The following CDH13 variants were observed in gnomAD, a reference collection of about 807,000 sequenced individuals.
CDH13 encodes the protein cadherin-13.
A neutral mutation model predicts 63.8 loss-of-function variants in CDH13; 24 were observed. The ratio of observed to expected loss-of-function variants is 0.38; its 90% CI spans 0.27 to 0.53. The LOEUF is 0.53. Among genes scored for constraint, CDH13 ranks in the 20% least tolerant of loss-of-function variants. CDH13 has a pLI of 0.85. For synonymous variants in CDH13, 503 were observed against 355.3 expected (o/e 1.42, Z -4.67); for missense variants, 1,049 against 903.1 (o/e 1.16, Z -2.07).
chr16:82,827,553 C>T (rs1234584916), intron 1 of CDH13, among the ~76,000 whole-genome samples: 1 of 152,080 alleles, frequency 6.6e-6, no homozygotes, highest in Non-Finnish European at 1.5e-5. Flanking sequence ...TAGGAGTATA[C>T]TGTGGACTAG....
chr16:82,776,236 A>T (rs2035489347), intron 1 of CDH13, among the ~76,000 whole-genome samples: 1 of 137,836 alleles, frequency 7.3e-6, no homozygotes, highest in Non-Finnish European at 1.6e-5. Flanking sequence ...GAAGGAAGGA[A>T]GGAAGGGATT....
At chr16:83,372,830 T>G (rs963116646) in intron 6 of CDH13, among the ~76,000 whole-genome samples, 2 of 151,504 alleles carry the variant, frequency 1.3e-5, no homozygotes, top group Non-Finnish European at 2.9e-5. Flanking sequence ...TGGGGAAACT[T>G]GCAAGTAAAG....
At chr16:83,052,801 A>AAAAAAAAAAAAAGAAAAAAAG (rs1555571697) in intron 3 of CDH13, among the ~76,000 whole-genome samples, 1 of 122,658 alleles carries the variant, frequency 8.2e-6, no homozygotes, top group African/African-American at 3.3e-5. Flanking sequence ...AAAAAAAAAA[A>AAAAAAAAAAAAAGAAAAAAAG]AAAGAAAGAA....
intron 3 of CDH13, among the ~76,000 whole-genome samples, chr16:83,043,159 T>A (rs1025833535): frequency 6.6e-6 from 1 of 152,212 alleles, no homozygotes; most frequent in Non-Finnish European, 1.5e-5. Context: ...TCCAGGATAC[T>A]ATTCATATAT....
At chr16:83,549,842 G>A (rs1313193910) in intron 7 of CDH13, among the ~76,000 whole-genome samples, 1 of 152,178 alleles carries the variant, frequency 6.6e-6, no homozygotes, top group Non-Finnish European at 1.5e-5. Context: ...CTGTAATCAA[G>A]GCATTTGTAA....
At position 83,548,959 on chromosome 16, in the gene CDH13, C is replaced by G. The variant is rs143049228; in HGVS notation, c.961-53495C>G. ...TCTTTGCCCCCTTGTGTGTCATTTTCTCCTTAAGAAAACTGAGGAAGAAGT... is the reference window on the plus strand; with the variant it reads ...TCTTTGCCCCCTTGTGTGTCATTTTGTCCTTAAGAAAACTGAGGAAGAAGT... On this transcript the variant is annotated intron_variant, in intron 7 of 13. Coordinates refer to ENST00000567109, the MANE Select transcript of CDH13 (RefSeq NM_001257.5). 1.0e-3 allele frequency among the ~76,000 whole-genome samples: 156 copies of G among 152,316 alleles called. 3 individuals carry two copies. Among genetic ancestry groups the G allele is most frequent in the East Asian group, 1.5e-3 (8 of 5,180 alleles).
At chr16:83,529,849 T>C (rs1449049303) in intron 7 of CDH13, among the ~76,000 whole-genome samples, 2 of 152,240 alleles carry the variant, frequency 1.3e-5, no homozygotes, top group African/African-American at 4.8e-5. Context: ...GCGCTAATGT[T>C]TTTCTTACAT....
intron 8 of CDH13, among the ~76,000 whole-genome samples, chr16:83,651,153 C>A (rs893603652): frequency 6.6e-6 from 1 of 151,944 alleles, no homozygotes; most frequent in East Asian, 1.9e-4. Context: ...TTATAAGAGA[C>A]CCCTAGCTCT....
At chr16:82,828,801 T>A (rs911840380) in intron 1 of CDH13, among the ~76,000 whole-genome samples, 3 of 152,050 alleles carry the variant, frequency 2.0e-5, no homozygotes, top group Non-Finnish European at 2.9e-5. Context: ...ATATAAGTAA[T>A]CTAGAAATAA....
At chr16:83,504,541 G>A (rs2074354245) in intron 7 of CDH13, among the ~76,000 whole-genome samples, 1 of 152,186 alleles carries the variant, frequency 6.6e-6, no homozygotes. Flanking sequence ...GTGGAAAGCA[G>A]GCCAGATCTT....
intron 8 of CDH13, among the ~76,000 whole-genome samples, chr16:83,633,287 T>C (rs1419503270): frequency 6.6e-6 from 1 of 152,210 alleles, no homozygotes; most frequent in Non-Finnish European, 1.5e-5. Context: ...TGACAGATAC[T>C]GCATCCATGA....
intron 3 of CDH13, among the ~76,000 whole-genome samples, chr16:83,041,004 C>T (rs980764454): frequency 9.2e-5 from 14 of 152,150 alleles, no homozygotes; most frequent in Non-Finnish European, 1.6e-4. Context: ...TCCTCAGGTG[C>T]TCACTGTATA....
At chr16:83,538,351 T>G (rs991858956) in intron 7 of CDH13, among the ~76,000 whole-genome samples, 1 of 152,190 alleles carries the variant, frequency 6.6e-6, no homozygotes, top group African/African-American at 2.4e-5. Flanking sequence ...CACACTATAC[T>G]CATCTCCGTA....
intron 4 of CDH13, among the ~76,000 whole-genome samples, chr16:83,198,728 A>G (rs2038945558): frequency 6.6e-6 from 1 of 152,178 alleles, no homozygotes; most frequent in South Asian, 2.1e-4. Context: ...GTTGTATGGG[A>G]ACAGGCTCAG....
intron 10 of CDH13, among the ~76,000 whole-genome samples, chr16:83,746,099 T>C (rs1912556157): frequency 6.6e-6 from 1 of 152,230 alleles, no homozygotes; most frequent in African/African-American, 2.4e-5. Context: ...AATAAATTAG[T>C]AATGCCACGG....
intron 1 of CDH13, among the ~76,000 whole-genome samples, chr16:82,791,843 A>G (rs763269023): frequency 6.6e-6 from 1 of 152,140 alleles, no homozygotes; most frequent in Admixed American, 6.5e-5. Context: ...TATAACACTC[A>G]CTGCATGTGC....
rs116713916 is a variant in CDH13 at position 82,931,805 on chromosome 16, G to C, written c.157+73332G>C. On this transcript the variant is annotated intron_variant, in intron 2 of 13. Transcript: ENST00000567109. Reference sequence around the variant, plus strand: ...TTACTACCAAGAGAACAGTATGGAGGAAACCATCCCCATGATTCATTATTT... The same window carrying C: ...TTACTACCAAGAGAACAGTATGGAGCAAACCATCCCCATGATTCATTATTT... 5.7e-3 allele frequency among the ~76,000 whole-genome samples: 863 copies of C among 152,190 alleles called. 15 individuals carry two copies. Among genetic ancestry groups the C allele is most frequent in the African/African-American group, 0.02 (828 of 41,500 alleles).
intron 8 of CDH13, 135 bp from the exon 9 acceptor site, chr16:83,670,655 C>T: frequency 1.2e-6 from 1 of 829,288 alleles, no homozygotes; most frequent in Non-Finnish European, 1.9e-6. Context: ...AGCATAGTAT[C>T]TTCCAACCGT....
At chr16:83,447,351 G>A (rs1405955926) in intron 6 of CDH13, among the ~76,000 whole-genome samples, 1 of 151,908 alleles carries the variant, frequency 6.6e-6, no homozygotes, top group Non-Finnish European at 1.5e-5. Context: ...GGAGGCAGAT[G>A]TTGCAGCGAG....
Sources: gnomAD v4.1 joint callset for allele counts (sites outside exome capture counted in the v4.1 genomes callset) on GRCh38, gnomAD v4.1.1 for gene constraint, MANE v1.5 for transcripts, NCBI Gene and HGNC (gene_info 2026-07-23, HGNC 2026-07-21) for gene names.